The following MACROD2 variants were observed in gnomAD, a reference collection of about 807,000 sequenced individuals.
MACROD2 encodes ADP-ribose glycohydrolase MACROD2.
MACROD2 carries 36 observed loss-of-function variants against 70.4 expected under a neutral mutation model. The ratio of observed to expected loss-of-function variants is 0.51; its 90% CI spans 0.39 to 0.68. The LOEUF (loss-of-function observed/expected upper bound fraction) is 0.68, where lower values mean the gene tolerates loss of function less well. Ranked by LOEUF, MACROD2 falls within the 30% of genes least tolerant of loss-of-function variation. The pLI is 0.00. For synonymous variants in MACROD2, 172 were observed against 178.8 expected (o/e 0.96, Z 0.30); for missense variants, 496 against 538.4 (o/e 0.92, Z 0.78).
chr20:14,440,250 CA>C (rs2084106492), intron 3 of MACROD2, among the ~76,000 whole-genome samples: 1 of 152,106 alleles, frequency 6.6e-6, no homozygotes, highest in Admixed American at 6.5e-5. Flanking sequence ...ATATTCAGAA[CA>C]AACTTGTCTA....
chr20:15,229,168 C>T (rs773516468), intron 5 of MACROD2, among the ~76,000 whole-genome samples: 2 of 152,024 alleles, frequency 1.3e-5, no homozygotes, highest in Non-Finnish European at 2.9e-5. Context: ...TAAAAGTTTA[C>T]GTGTGTGTAG....
At chr20:15,684,466 G>A (rs964334989) in intron 8 of MACROD2, among the ~76,000 whole-genome samples, 3 of 152,162 alleles carry the variant, frequency 2.0e-5, no homozygotes, top group South Asian at 4.1e-4. Context: ...AGACTAGGAC[G>A]GCTACCACAA....
intron 8 of MACROD2, among the ~76,000 whole-genome samples, chr20:15,784,992 C>CA (rs34347286): frequency 2.2e-4 from 33 of 149,000 alleles, no homozygotes; most frequent in South Asian, 4.3e-4. Context: ...ACTAAAAATA[C>CA]AAAAAAAAAA....
chr20:14,661,577 T>G lies in MACROD2; in HGVS notation c.302-23266T>G, dbSNP rs1178526435. On this transcript the variant is annotated intron_variant, in intron 4 of 17. Transcript: ENST00000684519. The stretch of plus-strand genomic sequence containing the variant: ...TTAATTAGGTCTCAATTGTCAATTT[T>G]CGGTTTTGTTGCATTTGCTTTTGAA... Among the ~76,000 whole-genome samples the G allele has an allele frequency of 2.6e-5, 4 of 152,202 alleles. No individual in the cohort carries two copies. The East Asian group carries it at 7.7e-4, about 29-fold the overall frequency.
intron 8 of MACROD2, among the ~76,000 whole-genome samples, chr20:15,757,156 G>T (rs993806489): frequency 6.6e-6 from 1 of 152,096 alleles, no homozygotes; most frequent in South Asian, 2.1e-4. Context: ...TTTTTTGAAA[G>T]TAAAACCAAA....
intron 2 of MACROD2, among the ~76,000 whole-genome samples, chr20:14,031,740 C>T (rs550135317): frequency 6.6e-6 from 1 of 151,968 alleles, no homozygotes; most frequent in African/African-American, 2.4e-5. Flanking sequence ...GATAGCTTCT[C>T]CTTCCCTAAA....
At chr20:15,412,374 C>CCCTT (rs1420032741) in intron 6 of MACROD2, among the ~76,000 whole-genome samples, 2 of 152,102 alleles carry the variant, frequency 1.3e-5, no homozygotes, top group Non-Finnish European at 2.9e-5. Context: ...ACATTGAATA[C>CCCTT]CCTTATGCAT....
chr20:14,078,057 C>T (rs1372191388), intron 2 of MACROD2, among the ~76,000 whole-genome samples: 2 of 151,964 alleles, frequency 1.3e-5, no homozygotes, highest in African/African-American at 4.8e-5. Flanking sequence ...CATGTGCCAC[C>T]ACGCCTGGCT....
At chr20:14,850,936 G>T (rs780293825) in intron 5 of MACROD2, among the ~76,000 whole-genome samples, 2 of 152,070 alleles carry the variant, frequency 1.3e-5, no homozygotes, top group Non-Finnish European at 2.9e-5. Flanking sequence ...GTTGAGGCCA[G>T]ATTTTGCAAC....
chr20:15,249,395 A>T (rs182817011), intron 6 of MACROD2, among the ~76,000 whole-genome samples: 43 of 152,276 alleles, frequency 2.8e-4, no homozygotes, highest in African/African-American at 1.0e-3. Flanking sequence ...GGTTTTTAAA[A>T]TTTCTTTGTA....
intron 8 of MACROD2, among the ~76,000 whole-genome samples, chr20:15,702,758 T>G (rs546908413): frequency 6.6e-6 from 1 of 152,296 alleles, no homozygotes; most frequent in South Asian, 2.1e-4. Context: ...TCAACGTTAT[T>G]TTTCACAGAA....
intron 5 of MACROD2, among the ~76,000 whole-genome samples, chr20:14,708,830 G>A (rs1187786640): frequency 1.3e-5 from 2 of 152,086 alleles, no homozygotes; most frequent in African/African-American, 2.4e-5. Context: ...TTGTTGGCCA[G>A]GCTGGTCTCG....
At chr20:16,008,735 A>G (rs919306100) in intron 15 of MACROD2, among the ~76,000 whole-genome samples, 1 of 152,222 alleles carries the variant, frequency 6.6e-6, no homozygotes, top group African/African-American at 2.4e-5. Context: ...TGTGGTTATC[A>G]TTGTTCTGAG....
chr20:14,160,446 A>C (rs186565099), intron 3 of MACROD2, among the ~76,000 whole-genome samples: 1 of 152,106 alleles, frequency 6.6e-6, no homozygotes, highest in South Asian at 2.1e-4. Context: ...CATTCAATCC[A>C]GGTAGGTTGT....
rs931699264 is a variant in MACROD2 at position 14,846,662 on chromosome 20, C to G, written c.418+161703C>G. Among the ~76,000 whole-genome samples, 3 of 151,746 alleles carry G rather than the reference C, an allele frequency of 2.0e-5. 1 individual carries two copies. In the East Asian group the frequency reaches 5.8e-4, roughly 29 times the overall value. Reference sequence around the variant, plus strand: ...CCTCCTGAGTAGCTGGGACCACAGGCGCCCGCCACCACGCCTGGCTAATTT... The same window carrying G: ...CCTCCTGAGTAGCTGGGACCACAGGGGCCCGCCACCACGCCTGGCTAATTT... On this transcript the variant is annotated intron_variant, in intron 5 of 17. Coordinates refer to ENST00000684519, the MANE Select transcript of MACROD2 (RefSeq NM_001351661.2).
At chr20:15,265,914 C>A (rs1198973019) in intron 6 of MACROD2, among the ~76,000 whole-genome samples, 1 of 152,214 alleles carries the variant, frequency 6.6e-6, no homozygotes, top group Admixed American at 6.5e-5. Context: ...CTTAATAAAT[C>A]AGCTAACAAA....
At position 14,082,177 on chromosome 20, in the gene MACROD2, C is replaced by CTTTTTTTTTTTTT. The variant is rs66918191; in HGVS notation, c.164-3437_164-3425dup. ...TTTTCCCATACCTTTCTTTTTTTTT[C>CTTTTTTTTTTTTT]TTTTTTTTTTTTTTTTTTTGAGATG... On this transcript the variant is annotated intron_variant, in intron 2 of 17. Transcript: ENST00000684519. Among the ~76,000 whole-genome samples, 292 of 93,178 alleles carry CTTTTTTTTTTTTT rather than the reference C, an allele frequency of 3.1e-3. 2 individuals are homozygous for CTTTTTTTTTTTTT. The highest frequency in any genetic ancestry group is 6.3e-3 in the African/African-American group (143 of 22,586). The allele number at this position is 93,178 out of a possible 152,430, so 61.1% of individuals were successfully genotyped here.
rs146529954 is a variant in MACROD2 at position 15,115,819 on chromosome 20, G to T, written c.419-114121G>T. Among the ~76,000 whole-genome samples, 8 of 152,218 alleles carry T rather than the reference G, an allele frequency of 5.3e-5. No individual in the cohort carries two copies. The East Asian group carries it at 1.4e-3, about 26-fold the overall frequency. ...TAATTTTTTAAACTAGGAAAATAAA[G>T]AGTACAGAATGGCTCCCAGCAGTAA... On this transcript the variant is annotated intron_variant, in intron 5 of 17. Coordinates refer to ENST00000684519, the MANE Select transcript of MACROD2 (RefSeq NM_001351661.2).
chr20:16,014,290 C>G (rs913097652), intron 15 of MACROD2, among the ~76,000 whole-genome samples: 5 of 152,246 alleles, frequency 3.3e-5, no homozygotes, highest in African/African-American at 1.2e-4. Flanking sequence ...CAAGCCTCAG[C>G]TTCTCACCTA....
Sources: allele counts gnomAD v4.1 joint callset (sites outside exome capture counted in the v4.1 genomes callset), GRCh38; gene constraint gnomAD v4.1.1; transcripts MANE v1.5; gene names NCBI Gene and HGNC (gene_info 2026-07-23, HGNC 2026-07-21).